The following ASTN2 variants were observed in gnomAD, a reference collection of about 807,000 sequenced individuals.
The protein encoded by ASTN2 is astrotactin-2.
In ASTN2, 54 loss-of-function variants were observed where a neutral mutation model predicts 139.8. That is an observed-to-expected ratio of 0.39 (90% CI 0.31 to 0.48). The LOEUF is 0.48. Among genes scored for constraint, ASTN2 ranks in the 20% least tolerant of loss-of-function variants. The pLI, the probability that ASTN2 is intolerant of heterozygous loss-of-function variation, is 0.95. For synonymous variants in ASTN2, 756 were observed against 719.5 expected, an observed-to-expected ratio of 1.05 and a Z score of -0.81; for missense variants, 1,565 against 1,725.1, an observed-to-expected ratio of 0.91 and a Z score of 1.64.
At position 116,869,911 on chromosome 9, in the gene ASTN2, C is replaced by A. The variant is rs1833112846; in HGVS notation, c.1890-6178G>T. Among the ~76,000 whole-genome samples the A allele has an allele frequency of 2.0e-5, 3 of 151,158 alleles. 1 individual carries two copies. The South Asian group carries it at 6.3e-4, about 32-fold the overall frequency. On this transcript the variant is annotated intron_variant, in intron 10 of 22. Coordinates refer to ENST00000313400, the MANE Select transcript of ASTN2 (RefSeq NM_001365068.1). ...TTGAGCCCAGGAGTTCAAGACCAGCCTGGACAACAGAGTGGGATCCCATTT... is the reference window on the plus strand; with the variant it reads ...TTGAGCCCAGGAGTTCAAGACCAGCATGGACAACAGAGTGGGATCCCATTT...
At chr9:117,246,726 G>T (rs1233451478) in intron 2 of ASTN2, among the ~76,000 whole-genome samples, 2 of 152,158 alleles carry the variant, frequency 1.3e-5, no homozygotes, top group African/African-American at 4.8e-5. Flanking sequence ...TGAGCATCTA[G>T]GGGGTACAAG....
intron 1 of ASTN2, among the ~76,000 whole-genome samples, chr9:117,317,351 A>G (rs1228535225): frequency 6.6e-6 from 1 of 152,192 alleles, no homozygotes; most frequent in East Asian, 1.9e-4. Flanking sequence ...CTCAAATGAC[A>G]GGACTAAAAT....
intron 10 of ASTN2, among the ~76,000 whole-genome samples, chr9:116,931,304 G>A (rs1253796058): frequency 6.6e-6 from 1 of 152,140 alleles, no homozygotes; most frequent in Non-Finnish European, 1.5e-5. Flanking sequence ...GGAGACATGG[G>A]TTGTGGGTGG....
chr9:117,380,912 C>G (rs1938695332), intron 1 of ASTN2, among the ~76,000 whole-genome samples: 1 of 152,034 alleles, frequency 6.6e-6, no homozygotes, highest in Admixed American at 6.6e-5. Flanking sequence ...GGTATATACC[C>G]AAGGAAAATA....
At chr9:117,360,541 C>G (rs754607416) in intron 1 of ASTN2, among the ~76,000 whole-genome samples, 6 of 152,128 alleles carry the variant, frequency 3.9e-5, no homozygotes, top group Admixed American at 1.3e-4. Context: ...TTCCCACCCT[C>G]GTGGAGCTGC....
At chr9:117,250,129 AAC>A (rs1309717205) in intron 2 of ASTN2, among the ~76,000 whole-genome samples, 1 of 152,130 alleles carries the variant, frequency 6.6e-6, no homozygotes, top group Non-Finnish European at 1.5e-5. Flanking sequence ...ATTTCATTTC[AAC>A]ACACACACCC....
At chr9:116,871,729 G>A (rs2132353855) in intron 10 of ASTN2, among the ~76,000 whole-genome samples, 1 of 152,216 alleles carries the variant, frequency 6.6e-6, no homozygotes, top group South Asian at 2.1e-4. Context: ...GGACATTTTG[G>A]TTGTTTCCAC....
chr9:116,547,873 C>T (rs1235389272), intron 19 of ASTN2, among the ~76,000 whole-genome samples: 2 of 152,154 alleles, frequency 1.3e-5, no homozygotes, highest in Admixed American at 6.5e-5. Context: ...CCCATTCCCT[C>T]CCCTCCAGGC....
chr9:117,412,725 T>C (rs1054517615), intron 1 of ASTN2, among the ~76,000 whole-genome samples: 4 of 151,310 alleles, frequency 2.6e-5, no homozygotes, highest in African/African-American at 9.7e-5. Context: ...TACCCCGGAG[T>C]AGAGAGATCT....
intron 7 of ASTN2, among the ~76,000 whole-genome samples, chr9:117,003,484 G>T (rs1837247615): frequency 1.4e-5 from 2 of 140,438 alleles, no homozygotes; most frequent in South Asian, 4.8e-4. Context: ...TGAAGTTGAG[G>T]AGGTGGACCT....
intron 2 of ASTN2, among the ~76,000 whole-genome samples, chr9:117,243,501 C>G (rs974258196): frequency 6.6e-6 from 1 of 152,076 alleles, no homozygotes; most frequent in Non-Finnish European, 1.5e-5. Flanking sequence ...ATTAATAATC[C>G]TGGAAGTTAT....
chr9:117,281,328 G>C (rs1834318619), intron 2 of ASTN2, among the ~76,000 whole-genome samples: 1 of 152,136 alleles, frequency 6.6e-6, no homozygotes, highest in Non-Finnish European at 1.5e-5. Flanking sequence ...ACAGCAGTAA[G>C]GGAAAGAATC....
intron 13 of ASTN2, among the ~76,000 whole-genome samples, chr9:116,763,007 C>T (rs1829713016): frequency 6.6e-6 from 1 of 152,170 alleles, no homozygotes; most frequent in Admixed American, 6.5e-5. Context: ...AGAATAAAAA[C>T]TACTTCAATT....
intron 19 of ASTN2, among the ~76,000 whole-genome samples, chr9:116,511,553 G>A (rs139825713): frequency 0.012 from 1,883 of 152,218 alleles, 33 homozygotes; most frequent in African/African-American, 0.043. Flanking sequence ...TTTTTCTATT[G>A]ATTGGAAGAG....
At position 116,964,216 on chromosome 9, in the gene ASTN2, GGTGTGT is replaced by G. The variant is rs56209166; in HGVS notation, c.1889+10986_1889+10991del. On this transcript the variant is annotated intron_variant, in intron 10 of 22. Coordinates refer to ENST00000313400, the MANE Select transcript of ASTN2 (RefSeq NM_001365068.1). ...CATCTTTCTGACTAGACTGCCCTGG[GGTGTGT>G]GTGTGTGTGTGTGTGTGTGTGTGTG... 4.9e-3 allele frequency among the ~76,000 whole-genome samples: 691 copies of G among 140,798 alleles called. 6 individuals carry two copies. Among genetic ancestry groups the G allele is most frequent in the Middle Eastern group, 0.012 (3 of 260 alleles). 92.4% of individuals were successfully genotyped at this position (140,798 alleles called of 152,430 possible).
intron 1 of ASTN2, among the ~76,000 whole-genome samples, chr9:117,322,199 AG>A (rs1828348657): frequency 6.6e-6 from 1 of 152,134 alleles, no homozygotes; most frequent in Non-Finnish European, 1.5e-5. Flanking sequence ...TTTGACAGCA[AG>A]TTGTACTCCC....
rs1462623941 is a variant in ASTN2, at chr9:117,134,291, TATATAC to T, written c.1168+7029_1168+7034del. ...TTATATATATATATATATATATATA[TATATAC>T]ACACACACACACACACACACACACA... On this transcript the variant is annotated intron_variant, in intron 4 of 22. Coordinates refer to ENST00000313400, the MANE Select transcript of ASTN2 (RefSeq NM_001365068.1). Among the ~76,000 whole-genome samples the T allele has an allele frequency of 9.2e-3, 491 of 53,564 alleles. 3 individuals carry two copies. Among genetic ancestry groups the T allele is most frequent in the Middle Eastern group, 0.034 (3 of 88 alleles). The allele number at this position is 53,564 out of a possible 152,430, so 35.1% of individuals were successfully genotyped here.
intron 17 of ASTN2, among the ~76,000 whole-genome samples, chr9:116,646,189 T>C (rs1387445264): frequency 2.0e-5 from 3 of 152,342 alleles, no homozygotes; most frequent in African/African-American, 4.8e-5. Flanking sequence ...TCCATGTAAA[T>C]AAAGTGTCTT....
chr9:116,634,976 G>C (rs73528761), intron 17 of ASTN2, among the ~76,000 whole-genome samples: 10 of 152,086 alleles, frequency 6.6e-5, no homozygotes, highest in Non-Finnish European at 1.5e-4. Flanking sequence ...AGAAAAAAAA[G>C]GAAGCAAGAG....
Sources: gnomAD v4.1 joint callset for allele counts (sites outside exome capture counted in the v4.1 genomes callset) on GRCh38, gnomAD v4.1.1 for gene constraint, MANE v1.5 for transcripts, NCBI Gene and HGNC (gene_info 2026-07-23, HGNC 2026-07-21) for gene names.